SLC14A2: variants seen among roughly 807,000 people sequenced by gnomAD.
SLC14A2 encodes urea transporter 2.
SLC14A2 carries 91 observed loss-of-function variants against 104.6 expected under a neutral mutation model. The observed-to-expected ratio is 0.87, with a 90% confidence interval of 0.73 to 1.04. SLC14A2 has a LOEUF of 1.04. SLC14A2 is among the 50% of genes least tolerant of loss of function. The probability of loss-of-function intolerance (pLI) is 0.00; values close to 1 mark genes in which losing one functional copy is unlikely to be tolerated. For missense variants in SLC14A2, 1,189 were observed against 1,156.0 expected (o/e 1.03, Z -0.41); for synonymous variants, 476 against 466.4 (o/e 1.02, Z -0.27).
intron 1 of SLC14A2, among the ~76,000 whole-genome samples, chr18:45,213,975 C>A (rs2083984915): frequency 6.6e-6 from 1 of 152,070 alleles, no homozygotes; most frequent in African/African-American, 2.4e-5. Context: ...ATAGAAATGG[C>A]CGAGCTTTCT....
chr18:45,195,658 G>T, the SLC14A2 span, among the ~76,000 whole-genome samples: 5 of 152,170 alleles, frequency 3.3e-5, no homozygotes, highest in African/African-American at 1.2e-4. Flanking sequence ...CCATAGTGCT[G>T]GGATTGCAGG....
Position 45,297,724 on chromosome 18 carries a change from A to G in SLC14A2, c.-125+84533A>G, listed in dbSNP as rs570530715. The stretch of plus-strand genomic sequence containing the variant: ...AACTTTAAATTGTTAAACATGTTAG[A>G]GTCAGTTCCTGAATGACCAGAGACA... On this transcript the variant is annotated intron_variant, in intron 1 of 20. Coordinates refer to the SLC14A2 transcript ENST00000586448. Among the ~76,000 whole-genome samples the G allele has an allele frequency of 6.6e-5, 10 of 152,338 alleles. No individual in the cohort carries two copies. In the South Asian group the frequency reaches 1.5e-3, roughly 22 times the overall value.
upstream of SLC14A2, among the ~76,000 whole-genome samples, chr18:45,209,427 T>C (rs2083943762): frequency 6.6e-6 from 1 of 152,144 alleles, no homozygotes; most frequent in Non-Finnish European, 1.5e-5. Flanking sequence ...GTTTTAAAAA[T>C]TTACAGCAGG....
At chr18:45,260,956 TA>T (rs374952568) in intron 1 of SLC14A2, among the ~76,000 whole-genome samples, 25 of 152,310 alleles carry the variant, frequency 1.6e-4, no homozygotes, top group African/African-American at 6.0e-4. Flanking sequence ...TATACCCATG[TA>T]ACAAACCTGC....
Position 45,639,872 on chromosome 18 carries a change from T to C in SLC14A2, c.970T>C (p.Ser324Pro). The change falls in exon 7 of 20, where the codon TCA becomes CCA. Residue 324 changes from serine (S) to proline (P), a missense_variant. Physicochemically the swap from Ser to Pro is moderately conservative, Grantham distance 74. Transcript: ENST00000255226. ...CATCTGCTTGCATGCAGCCATTGGCTCAATCGTGGGGCTGCTAGCAGGTAG... is the reference window on the plus strand; with the variant it reads ...CATCTGCTTGCATGCAGCCATTGGCCCAATCGTGGGGCTGCTAGCAGGTAG... ...PLICLHAAIG[S>P]IVGLLAALSV... 2 of 1,613,596 alleles carry C rather than the reference T, an allele frequency of 1.2e-6. No homozygotes were observed. Among genetic ancestry groups the C allele is most frequent in the Non-Finnish European group, 1.7e-6 (2 of 1,179,950 alleles).
At chr18:45,497,393 G>T (rs1028605810) in intron 2 of SLC14A2, among the ~76,000 whole-genome samples, 3 of 152,158 alleles carry the variant, frequency 2.0e-5, no homozygotes, top group African/African-American at 7.2e-5. Flanking sequence ...ATCCTGTGTG[G>T]GGGTCATATT....
intron 2 of SLC14A2, among the ~76,000 whole-genome samples, chr18:45,542,054 T>G (rs796160905): frequency 7.9e-4 from 108 of 136,410 alleles, no homozygotes; most frequent in African/African-American, 2.3e-3. Flanking sequence ...TTTTTTTTTT[T>G]TTTTTTTTTT....
At chr18:45,609,068 A>G (rs2044924590) in intron 2 of SLC14A2, among the ~76,000 whole-genome samples, 1 of 152,164 alleles carries the variant, frequency 6.6e-6, no homozygotes, top group Non-Finnish European at 1.5e-5. Flanking sequence ...AAGAAGCCCC[A>G]CCAGGGAGTC....
chr18:45,511,547 A>T (rs559743250), intron 2 of SLC14A2, among the ~76,000 whole-genome samples: 1 of 152,230 alleles, frequency 6.6e-6, no homozygotes, highest in South Asian at 2.1e-4. Context: ...ACCTTATCAC[A>T]GTGGTTGATA....
At chr18:45,498,326 G>T (rs967043776) in intron 2 of SLC14A2, among the ~76,000 whole-genome samples, 1 of 152,206 alleles carries the variant, frequency 6.6e-6, no homozygotes, top group African/African-American at 2.4e-5. Flanking sequence ...CTGTGAGGCT[G>T]AGAGCTCAAG....
chr18:45,638,681 G>A (rs921822999), intron 6 of SLC14A2, among the ~76,000 whole-genome samples: 1 of 152,168 alleles, frequency 6.6e-6, no homozygotes, highest in Non-Finnish European at 1.5e-5. Context: ...ATTCCTATTT[G>A]TTAAGCACCT....
At position 45,440,014 on chromosome 18, in the gene SLC14A2, A is replaced by G. The variant is rs1176624448; in HGVS notation, c.-124-43219A>G. ...TAACTGAGTGTTTCCCTTTTGCATG[A>G]ATTGCTCTGGCATTATTTAAGCCCA... On this transcript the variant is annotated intron_variant, in intron 1 of 20. Transcript: ENST00000586448. 3.3e-5 allele frequency among the ~76,000 whole-genome samples: 5 copies of G among 152,264 alleles called. No homozygotes were observed. In the East Asian group the frequency reaches 9.7e-4, roughly 29 times the overall value.
At chr18:45,515,610 G>C (rs2043428081) in intron 2 of SLC14A2, 1 of 152,234 alleles carries the variant, frequency 6.6e-6, no homozygotes, top group Non-Finnish European at 1.5e-5. Flanking sequence ...AGGTGAGCAG[G>C]ATCTAGAAAA....
intron 1 of SLC14A2, among the ~76,000 whole-genome samples, chr18:45,380,820 T>C (rs897434057): frequency 2.9e-4 from 44 of 152,218 alleles, no homozygotes; most frequent in African/African-American, 9.7e-4. Flanking sequence ...TCTTTTCTCT[T>C]TCTCAAAAAT....
chr18:45,187,762 T>TA, the SLC14A2 span, among the ~76,000 whole-genome samples: 533 of 151,304 alleles, frequency 3.5e-3, 6 homozygotes, highest in African/African-American at 0.011. Flanking sequence ...CTGCTTCTGG[T>TA]AAAAAAATAA....
intron 2 of SLC14A2, among the ~76,000 whole-genome samples, chr18:45,570,626 A>G (rs2044331108): frequency 6.6e-6 from 1 of 152,220 alleles, no homozygotes; most frequent in African/African-American, 2.4e-5. Context: ...ACTTGATCCT[A>G]ACAAACCCCT....
At chr18:45,598,879 C>G (rs1033200776) in intron 2 of SLC14A2, among the ~76,000 whole-genome samples, 1 of 152,264 alleles carries the variant, frequency 6.6e-6, no homozygotes, top group South Asian at 2.1e-4. Flanking sequence ...GCACGCAGAC[C>G]GCTTGCTTCA....
intron 1 of SLC14A2, among the ~76,000 whole-genome samples, chr18:45,477,415 G>A (rs1245071298): frequency 6.6e-6 from 1 of 152,186 alleles, no homozygotes; most frequent in African/African-American, 2.4e-5. Context: ...TGAGGTGTCT[G>A]TCGACCCCTG....
At chr18:45,575,789 CTT>C (rs201958253) in intron 2 of SLC14A2, among the ~76,000 whole-genome samples, 23 of 143,556 alleles carry the variant, frequency 1.6e-4, no homozygotes, top group Admixed American at 2.1e-4. Flanking sequence ...TTGTCTTGTT[CTT>C]TTTTTTTTTT....
Sources: allele counts gnomAD v4.1 joint callset (sites outside exome capture counted in the v4.1 genomes callset), GRCh38; gene constraint gnomAD v4.1.1; transcripts MANE v1.5; gene names NCBI Gene and HGNC (gene_info 2026-07-23, HGNC 2026-07-21).